The following PDE10A variants were observed in gnomAD, a reference collection of about 807,000 sequenced individuals.
PDE10A encodes the protein cAMP and cAMP-inhibited cGMP 3',5'-cyclic phosphodiesterase 10A.
PDE10A carries 39 observed loss-of-function variants against 97.7 expected under a neutral mutation model. That is an observed-to-expected ratio of 0.40 (90% confidence interval 0.31 to 0.52). PDE10A has a LOEUF of 0.52. Ranked by LOEUF, PDE10A falls within the 20% of genes least tolerant of loss-of-function variation. The pLI is 0.56. For missense variants in PDE10A, 731 were observed against 1,047.8 expected, an observed-to-expected ratio of 0.70 and a Z score of 4.17; for synonymous variants, 371 against 376.8, an observed-to-expected ratio of 0.98 and a Z score of 0.18.
At chr6:165,813,885 A>G (rs1297642886) in intron 1 of PDE10A, among the ~76,000 whole-genome samples, 1 of 152,178 alleles carries the variant, frequency 6.6e-6, no homozygotes. Context: ...TGCACTTCCC[A>G]GAGTGTATTT....
rs76769442 is a variant in PDE10A, at chr6:165,534,666, A to G, written c.994+8774T>C. ...CAACATATGCAAATCAATAAATATG[A>G]TATATCACATTAATAGAATGAGACA... is the stretch of plus-strand genomic sequence containing the variant. On this transcript the variant is annotated intron_variant, in intron 2 of 21. Transcript: ENST00000539869. Among the ~76,000 whole-genome samples the G allele has an allele frequency of 8.8e-3, 1,337 of 152,234 alleles. 21 individuals carry two copies. Among genetic ancestry groups the G allele is most frequent in the African/African-American group, 0.03 (1,260 of 41,578 alleles).
intron 17 of PDE10A, among the ~76,000 whole-genome samples, chr6:165,384,578 C>T (rs1188178501): frequency 6.6e-6 from 1 of 150,544 alleles, no homozygotes; most frequent in Non-Finnish European, 1.5e-5. Context: ...TGAGCAAATA[C>T]CCACTTCCTG....
chr6:165,737,601 C>A (rs1342103947), intron 1 of PDE10A, among the ~76,000 whole-genome samples: 1 of 152,158 alleles, frequency 6.6e-6, no homozygotes, highest in Admixed American at 6.5e-5. Flanking sequence ...CCAACATCAG[C>A]AAATTCAACA....
At chr6:165,384,072 C>G (rs1414162285) in intron 17 of PDE10A, among the ~76,000 whole-genome samples, 2 of 152,066 alleles carry the variant, frequency 1.3e-5, no homozygotes, top group Admixed American at 1.3e-4. Flanking sequence ...GGAAATTATT[C>G]CAGAGGCCCC....
chr6:165,696,536 A>T (rs1160992539), intron 1 of PDE10A, among the ~76,000 whole-genome samples: 1 of 152,008 alleles, frequency 6.6e-6, no homozygotes, highest in South Asian at 2.1e-4. Flanking sequence ...AGTTTTAGGG[A>T]TCCACTGGGG....
intron 1 of PDE10A, among the ~76,000 whole-genome samples, chr6:165,918,305 G>A (rs924218424): frequency 6.6e-6 from 1 of 152,180 alleles, no homozygotes; most frequent in Admixed American, 6.5e-5. Flanking sequence ...ACTATCAACA[G>A]TATTTGAAAA....
chr6:165,481,376 T>G (rs1241723479), intron 3 of PDE10A, among the ~76,000 whole-genome samples: 1 of 152,148 alleles, frequency 6.6e-6, no homozygotes, highest in Non-Finnish European at 1.5e-5. Context: ...TACATTGCTA[T>G]GGACACAAGG....
rs924236179 is a variant in PDE10A, at chr6:165,332,132, A to T, written c.*893T>A. 6.6e-6 allele frequency: 1 copy of T among 152,240 alleles called. No individual in the cohort carries two copies. Among genetic ancestry groups the T allele is most frequent in the Non-Finnish European group, 1.5e-5 (1 of 68,038 alleles). 9.4% of individuals were successfully genotyped at this position (152,240 alleles called of 1,614,324 possible). ...ATGACACAAAGTGAAAATATAAAGG[A>T]ATCATTATGAAAAATGTACCCTTCG... On this transcript the variant is annotated 3_prime_UTR_variant, in exon 22 of 22. Coordinates refer to ENST00000539869, the MANE Select transcript of PDE10A (RefSeq NM_001385079.1).
intron 1 of PDE10A, among the ~76,000 whole-genome samples, chr6:165,793,926 C>T (rs938572626): frequency 6.6e-6 from 1 of 152,168 alleles, no homozygotes; most frequent in African/African-American, 2.4e-5. Context: ...CTGGTTTAAT[C>T]TTCACAAAAA....
At chr6:165,776,182 A>G (rs1778176754) in intron 1 of PDE10A, among the ~76,000 whole-genome samples, 2 of 152,208 alleles carry the variant, frequency 1.3e-5, no homozygotes, top group Admixed American at 6.5e-5. Flanking sequence ...TTATTTTTAG[A>G]TTGACTGTGG....
At chr6:165,981,023 C>A in intron 1 of PDE10A, among the ~76,000 whole-genome samples, 1 of 152,150 alleles carries the variant, frequency 6.6e-6, no homozygotes, top group Non-Finnish European at 1.5e-5. Flanking sequence ...TGTTACATAA[C>A]TTTCACCTCT....
chr6:165,959,543 G>A (rs1784296550), intron 1 of PDE10A, among the ~76,000 whole-genome samples: 1 of 152,190 alleles, frequency 6.6e-6, no homozygotes, highest in Non-Finnish European at 1.5e-5. Flanking sequence ...ATTCATTTCA[G>A]GAGACTGGAT....
At chr6:165,823,539 A>AAATATTATATTTATAATTTATAACTACCT (rs71029564) in intron 1 of PDE10A, among the ~76,000 whole-genome samples, 1 of 117,268 alleles carries the variant, frequency 8.5e-6, no homozygotes, top group Non-Finnish European at 1.8e-5. Context: ...CCTTAATTAT[A>AAATATTATATTTATAATTTATAACTACCT]AATATTATAT....
intron 1 of PDE10A, among the ~76,000 whole-genome samples, chr6:165,872,708 T>G (rs974888057): frequency 1.3e-5 from 2 of 152,148 alleles, no homozygotes; most frequent in Non-Finnish European, 2.9e-5. Flanking sequence ...TTATTTCATA[T>G]GGAAGATTTC....
At chr6:165,950,598 A>G (rs300120) in intron 1 of PDE10A, among the ~76,000 whole-genome samples, 49,460 of 151,952 alleles carry the variant, frequency 0.33, 10,160 homozygotes, top group African/African-American at 0.58. Flanking sequence ...TTCACAGGAG[A>G]CTCCCAATAC....
At chr6:165,824,450 C>G (rs1213862265) in intron 1 of PDE10A, among the ~76,000 whole-genome samples, 4 of 152,204 alleles carry the variant, frequency 2.6e-5, no homozygotes, top group African/African-American at 9.7e-5. Flanking sequence ...AACTCATACA[C>G]TACAAATGGA....
chr6:165,455,291 G>T (rs190627247), intron 3 of PDE10A, among the ~76,000 whole-genome samples: 1 of 152,096 alleles, frequency 6.6e-6, no homozygotes, highest in Non-Finnish European at 1.5e-5. Flanking sequence ...TTTAGCTCAA[G>T]GTTTGTCTCA....
At chr6:165,981,752 T>C (rs577350390) in intron 1 of PDE10A, among the ~76,000 whole-genome samples, 5 of 152,374 alleles carry the variant, frequency 3.3e-5, no homozygotes, top group East Asian at 3.9e-4. Flanking sequence ...CATGCTTGTA[T>C]GACTGTTTGT....
At chr6:165,605,615 C>A (rs370584216) in intron 1 of PDE10A, among the ~76,000 whole-genome samples, 1 of 152,142 alleles carries the variant, frequency 6.6e-6, no homozygotes, top group African/African-American at 2.4e-5. Context: ...TGGCTCCTTC[C>A]TTTGTGCTCT....
Sources: gnomAD v4.1 joint callset for allele counts (sites outside exome capture counted in the v4.1 genomes callset) on GRCh38, gnomAD v4.1.1 for gene constraint, MANE v1.5 for transcripts, NCBI Gene and HGNC (gene_info 2026-07-23, HGNC 2026-07-21) for gene names.